DBH: variants seen among roughly 807,000 people sequenced by gnomAD.
DBH encodes the protein dopamine beta-hydroxylase (dopamine beta-monooxygenase).
Under a neutral mutation model 64.0 loss-of-function variants are expected in DBH, and 49 were observed. The observed-to-expected ratio is 0.77, with a 90% CI of 0.61 to 0.97. The LOEUF (loss-of-function observed/expected upper bound fraction) is 0.97, where lower values mean the gene tolerates loss of function less well. Among genes scored for constraint, DBH ranks in the 50% least tolerant of loss-of-function variants. DBH has a pLI of 0.00. For synonymous variants in DBH, 343 were observed against 347.1 expected, an observed-to-expected ratio of 0.99 and a Z score of 0.13; for missense variants, 828 against 826.6, an observed-to-expected ratio of 1.00 and a Z score of -0.02.
At position 133,651,951 on chromosome 9, in the gene DBH, G is replaced by A. The variant is rs544622119; in HGVS notation, c.1335+174G>A. Among the ~76,000 whole-genome samples the A allele has an allele frequency of 3.7e-3, 566 of 152,220 alleles. 1 individual carries two copies. The highest frequency in any genetic ancestry group is 5.5e-3 in the Non-Finnish European group (375 of 67,996). On this transcript the variant is annotated intron_variant, in intron 7 of 11. Transcript: ENST00000393056. ...TGTGCTCCCCACTTGGGTGTCTGGTGTCTGATCGTAGGGAGGCCTCTGGCA... is the reference window on the plus strand; with the variant it reads ...TGTGCTCCCCACTTGGGTGTCTGGTATCTGATCGTAGGGAGGCCTCTGGCA...
At chr9:133,642,727 A>T (rs1214190907) in intron 3 of DBH, among the ~76,000 whole-genome samples, 1 of 152,200 alleles carries the variant, frequency 6.6e-6, no homozygotes, top group East Asian at 1.9e-4. Context: ...TGACTTCTGC[A>T]TCTTTCCTTG....
intron 11 of DBH, chr9:133,657,441 A>AGGAGAGAG: frequency 2.4e-6 from 1 of 420,574 alleles, no homozygotes; most frequent in South Asian, 2.2e-5. Context: ...GAGGAGAGAG[A>AGGAGAGAG]GGAGAGAGAG....
At position 133,651,776 on chromosome 9, in the gene DBH, A is replaced by G. The variant is rs1057208994; in HGVS notation, c.1334A>G (p.Gln445Arg). Residue 445 changes from glutamine to arginine, a missense_variant and splice_region_variant, in exon 7 of 12, where the codon CAG (glutamine) becomes CGG (arginine). Coordinates refer to ENST00000393056, the MANE Select transcript of DBH (RefSeq NM_000787.4). ...GACAATCACTACAGCCCTCACTTCC[A>G]GGTAGGAACCTGCACCCCACCCCTG... The part of the protein sequence containing the change: ...NQDNHYSPHF[Q>R]EIRMLKKVVS... 1.1e-5 allele frequency: 17 copies of G among 1,590,192 alleles called. No individual in the cohort carries two copies. The Middle Eastern group carries it at 1.5e-3, about 138-fold the overall frequency.
At chr9:133,640,786 G>A (rs114563027) in intron 2 of DBH, among the ~76,000 whole-genome samples, 62 of 152,350 alleles carry the variant, frequency 4.1e-4, no homozygotes, top group Middle Eastern at 3.4e-3. Flanking sequence ...CACCTGTGCC[G>A]TGCAGGGCCA....
chr9:133,647,134 C>T (rs1832191025), intron 5 of DBH, among the ~76,000 whole-genome samples: 1 of 152,164 alleles, frequency 6.6e-6, no homozygotes, highest in South Asian at 2.1e-4. Context: ...CCTGGGGGGC[C>T]ACATTCTCAC....
At chr9:133,648,038 C>T in intron 6 of DBH, 26 bp downstream of exon 6, 1 of 1,601,596 alleles carries the variant, frequency 6.2e-7, no homozygotes, top group South Asian at 1.1e-5. Flanking sequence ...CCCGGCACTG[C>T]ACCCTCCCTC....
At chr9:133,652,638 G>T (rs562010353) in intron 8 of DBH, among the ~76,000 whole-genome samples, 2 of 152,284 alleles carry the variant, frequency 1.3e-5, no homozygotes, top group African/African-American at 4.8e-5. Flanking sequence ...CCAGGCCTCG[G>T]TGGGGACTTG....
At chr9:133,648,376 G>A (rs536006504) in intron 6 of DBH, among the ~76,000 whole-genome samples, 164 of 152,304 alleles carry the variant, frequency 1.1e-3, no homozygotes, top group African/African-American at 3.6e-3. Context: ...ATCCGCTGCC[G>A]CCTCCCCCTG....
chr9:133,656,357 T>C, intron 9 of DBH, 166 bp from the exon 10 acceptor site: 1 of 817,944 alleles, frequency 1.2e-6, no homozygotes. Flanking sequence ...CTCCTGCCAA[T>C]GGTGGCAATT....
In DBH at chr9:133,653,007, A is replaced by AC. The variant is rs775595335; in HGVS notation, c.1434+13dup. The stretch of plus-strand genomic sequence containing the variant: ...CGGGAGCTGGCCACAGTGGTAAGTC[A>AC]CCCCCGCTTCCCCCTGCACCTGCCC... On this transcript the variant is annotated intron_variant, in intron 9 of 11. Coordinates refer to ENST00000393056, the MANE Select transcript of DBH (RefSeq NM_000787.4). 1.2e-6 allele frequency: 2 copies of AC among 1,608,908 alleles called. No individual in the cohort carries two copies. The highest frequency in any genetic ancestry group is 2.7e-5 in the African/African-American group (2 of 74,776).
chr9:133,652,867 T>C (rs2131292164), intron 8 of DBH, 73 bp from the exon 9 acceptor site: 2 of 1,063,886 alleles, frequency 1.9e-6, no homozygotes, highest in Admixed American at 3.4e-5. Flanking sequence ...GGCGTGGTCC[T>C]ATGGGGGCGA....
At chr9:133,655,541 C>T (rs1338352372) in intron 9 of DBH, 1 of 152,336 alleles carries the variant, frequency 6.6e-6, no homozygotes, top group Non-Finnish European at 1.5e-5. Context: ...GCAGAACTGT[C>T]CCATGCTCTT....
intron 5 of DBH, 111 bp from the exon 6 acceptor site, chr9:133,647,735 G>GC: frequency 7.4e-7 from 1 of 1,352,852 alleles, no homozygotes; most frequent in Non-Finnish European, 1.0e-6. Flanking sequence ...GGGGTGACCG[G>GC]CCCTGCCTCC....
In DBH at chr9:133,643,560, G is replaced by A. The variant is rs145655199; in HGVS notation, c.892G>A (p.Val298Met). The A allele has an allele frequency of 1.0e-4, 165 of 1,613,360 alleles. No homozygotes were observed. In the African/African-American group the frequency reaches 1.7e-3, roughly 16 times the overall value. Residue 298 changes from valine to methionine, a missense_variant, in exon 4 of 12, where the codon GTG becomes ATG. Physicochemically the swap from Val to Met is conservative, Grantham distance 21 (BLOSUM62 1). Transcript: ENST00000393056. The surrounding 1 kb of genome is among the most constrained non-coding windows in gnomAD (Gnocchi z 5.3). ...CGACCGCCTCAACTACTGCCGCCAC[G>A]TGCTGGCCGCCTGGGCCCTGGGTGC... is the stretch of plus-strand genomic sequence containing the variant. ...KPDRLNYCRH[V>M]LAAWALGAKA...
intron 5 of DBH, among the ~76,000 whole-genome samples, chr9:133,646,166 TC>T (rs1832178644): frequency 6.6e-6 from 1 of 152,172 alleles, no homozygotes; most frequent in Non-Finnish European, 1.5e-5. Flanking sequence ...TCTTTTTTTT[TC>T]ATTGTTGTTT....
chr9:133,640,619 G>C (rs1832107133), intron 2 of DBH, among the ~76,000 whole-genome samples: 1 of 152,248 alleles, frequency 6.6e-6, no homozygotes. Flanking sequence ...TTTAACTCTA[G>C]CACACCTGAC....
intron 11 of DBH, 68 bp downstream of exon 11, chr9:133,657,297 T>G (rs1588355301): frequency 6.3e-7 from 1 of 1,587,078 alleles, no homozygotes; most frequent in South Asian, 1.1e-5. Flanking sequence ...CAGTGAGGGG[T>G]GATGGGTCTG....
intron 10 of DBH, 66 bp from the exon 11 acceptor site, chr9:133,657,004 C>T (rs1832330389): frequency 1.3e-6 from 2 of 1,552,260 alleles, no homozygotes; most frequent in Non-Finnish European, 8.9e-7. Flanking sequence ...GGAGGTGTTG[C>T]TGGTGCCCAC....
intron 6 of DBH, among the ~76,000 whole-genome samples, chr9:133,650,336 A>G (rs561477589): frequency 2.9e-4 from 44 of 152,184 alleles, no homozygotes; most frequent in Non-Finnish European, 1.2e-4. Context: ...TGCTGACTGC[A>G]TGAACAAACT....
Sources: gnomAD v4.1 joint callset for allele counts (sites outside exome capture counted in the v4.1 genomes callset) on GRCh38, gnomAD v4.1.1 for gene constraint, Gnocchi (gnomAD v3.1) non-coding constraint, MANE v1.5 for transcripts, NCBI Gene and HGNC (gene_info 2026-07-23, HGNC 2026-07-21) for gene names.